Variants in UGT2B7 observed in about 807,000 individuals in gnomAD.
The protein encoded by UGT2B7 is UDP-glucuronosyltransferase 2B7.
UGT2B7 carries 51 observed loss-of-function variants against 51.9 expected under a neutral mutation model. That is an observed-to-expected ratio of 0.98 (90% CI 0.78 to 1.24). The LOEUF (loss-of-function observed/expected upper bound fraction) is 1.24. Among genes scored for constraint, UGT2B7 ranks in the 50% most tolerant of loss-of-function variants. The pLI, the probability that UGT2B7 is intolerant of heterozygous loss-of-function variation, is 0.00. For missense variants in UGT2B7, 727 were observed against 628.4 expected, an observed-to-expected ratio of 1.16 and a Z score of -1.68; for synonymous variants, 225 against 211.6, an observed-to-expected ratio of 1.06 and a Z score of -0.55.
At chr4:69,054,383 A>T (rs181826810) in intron 1 of UGT2B7, among the ~76,000 whole-genome samples, 200 of 152,322 alleles carry the variant, frequency 1.3e-3, no homozygotes, top group African/African-American at 4.5e-3. Flanking sequence ...AGATAAGCTA[A>T]CTCTTAGACA....
intron 1 of UGT2B7, among the ~76,000 whole-genome samples, chr4:69,080,302 C>T (rs1161881876): frequency 2.6e-5 from 4 of 152,066 alleles, no homozygotes; most frequent in Non-Finnish European, 5.9e-5. Flanking sequence ...AATCCCAGCA[C>T]TTTGGGATGA....
chr4:69,069,130 A>G (rs1211631429), intron 1 of UGT2B7, among the ~76,000 whole-genome samples: 2 of 151,286 alleles, frequency 1.3e-5, no homozygotes, highest in Non-Finnish European at 2.9e-5. Flanking sequence ...ACCGGTAGAT[A>G]TCAGGTTAGG....
upstream of UGT2B7, among the ~76,000 whole-genome samples, chr4:69,095,425 T>C (rs1719196668): frequency 6.6e-6 from 1 of 152,222 alleles, no homozygotes; most frequent in Non-Finnish European, 1.5e-5. Flanking sequence ...TCAGCTGACA[T>C]CAGTGAGATC....
At chr4:69,103,216 G>A (rs1719483708) in intron 3 of UGT2B7, among the ~76,000 whole-genome samples, 1 of 151,974 alleles carries the variant, frequency 6.6e-6, no homozygotes, top group African/African-American at 2.4e-5. Flanking sequence ...CTCACCTCCT[G>A]TCCATAAAAT....
At chr4:69,056,325 G>T (rs1003443885) in intron 1 of UGT2B7, among the ~76,000 whole-genome samples, 5 of 152,168 alleles carry the variant, frequency 3.3e-5, no homozygotes, top group Non-Finnish European at 7.3e-5. Context: ...AGCTGTTTTA[G>T]AAATTATTAC....
rs1462018959 is a variant in UGT2B7, at chr4:69,072,783, A to G, written c.-158-16689A>G. On this transcript the variant is annotated intron_variant, in intron 1 of 5. Transcript: ENST00000502942. ...TAGCTGGCAAAGGAGGAATATTTACAGGATCCTGATTCAGTATCATAAAGT... is the reference window on the plus strand; with the variant it reads ...TAGCTGGCAAAGGAGGAATATTTACGGGATCCTGATTCAGTATCATAAAGT... Among the ~76,000 whole-genome samples the G allele has an allele frequency of 3.9e-5, 6 of 152,166 alleles. No individual in the cohort carries two copies. The East Asian group carries it at 1.2e-3, about 29-fold the overall frequency.
chr4:69,059,173 C>A (rs186142920), intron 1 of UGT2B7, among the ~76,000 whole-genome samples: 1 of 152,162 alleles, frequency 6.6e-6, no homozygotes, highest in Admixed American at 6.5e-5. Flanking sequence ...AAGTTAGAGG[C>A]CAGCTAATGG....
At chr4:69,061,530 A>T (rs1474394518) in intron 1 of UGT2B7, among the ~76,000 whole-genome samples, 1 of 152,186 alleles carries the variant, frequency 6.6e-6, no homozygotes. Flanking sequence ...TCCAAATAAA[A>T]GGGCTTGATT....
intron 2 of UGT2B7, among the ~76,000 whole-genome samples, chr4:69,100,932 TATA>T (rs1719400315): frequency 6.6e-6 from 1 of 152,140 alleles, no homozygotes; most frequent in Non-Finnish European, 1.5e-5. Context: ...CTATCAGTTT[TATA>T]ATATGTTCAC....
In UGT2B7 at chr4:69,052,909, T is replaced by TA. The variant is rs1046994939; in HGVS notation, c.-159+1314dup. On this transcript the variant is annotated intron_variant, in intron 1 of 5. Coordinates refer to the UGT2B7 transcript ENST00000502942. Reference sequence around the variant, plus strand: ...TGGATTTTTACCTACATTAAAAGGTTAAAAAAATTATTGTTTTAAAAGTTT... The same window carrying TA: ...TGGATTTTTACCTACATTAAAAGGTTAAAAAAAATTATTGTTTTAAAAGTTT... Among the ~76,000 whole-genome samples, 3 of 152,112 alleles carry TA rather than the reference T, an allele frequency of 2.0e-5. No homozygotes were observed. The East Asian group carries it at 5.8e-4, about 29-fold the overall frequency.
intron 1 of UGT2B7, among the ~76,000 whole-genome samples, chr4:69,063,003 A>T (rs1320719488): frequency 6.6e-6 from 1 of 152,156 alleles, no homozygotes; most frequent in African/African-American, 2.4e-5. Flanking sequence ...GACCCGTATT[A>T]GGATGCCGTC....
At chr4:69,105,556 C>G (rs1400573777) in intron 3 of UGT2B7, among the ~76,000 whole-genome samples, 1 of 152,160 alleles carries the variant, frequency 6.6e-6, no homozygotes, top group Non-Finnish European at 1.5e-5. Context: ...CACGTTGTCT[C>G]AGTGTTAATA....
At chr4:69,064,072 GAAAGAAAGAAAGAAAGAA>G (rs1577908469) in intron 1 of UGT2B7, among the ~76,000 whole-genome samples, 5 of 104,754 alleles carry the variant, frequency 4.8e-5, no homozygotes, top group African/African-American at 9.8e-5. Flanking sequence ...AAGAAAGAAA[GAAAGAAAGAAAGAAAGAA>G]AGAAAGAGAA....
At chr4:69,111,948 A>G (rs1402334845) in intron 5 of UGT2B7, among the ~76,000 whole-genome samples, 1 of 152,224 alleles carries the variant, frequency 6.6e-6, no homozygotes, top group East Asian at 1.9e-4. Context: ...TGATATGGAC[A>G]GGCAAATTAA....
At chr4:69,088,573 T>G (rs1425070568) in intron 1 of UGT2B7, among the ~76,000 whole-genome samples, 1 of 152,150 alleles carries the variant, frequency 6.6e-6, no homozygotes, top group Non-Finnish European at 1.5e-5. Flanking sequence ...AAGCTCCGTA[T>G]GAGTATCTGG....
Position 69,112,490 on chromosome 4 carries a change from T to A in UGT2B7, c.1344T>A (p.Ile448=), listed in dbSNP as rs566811169. ...YKENVMKLSR[I]QHDQPVKPLD... The stretch of plus-strand genomic sequence containing the variant: ...AGAATGTTATGAAATTATCAAGAAT[T>A]CAACATGATCAACCAGTGAAGCCCC... The change falls in exon 6 of 6, where the codon ATT becomes ATA. Residue 448 remains isoleucine, a synonymous_variant. Transcript: ENST00000305231. 6.2e-7 allele frequency: 1 copy of A among 1,613,728 alleles called. No individual in the cohort carries two copies. Among genetic ancestry groups the A allele is most frequent in the South Asian group, 1.1e-5 (1 of 91,004 alleles).
At chr4:69,087,629 G>A (rs1470150630) in intron 1 of UGT2B7, among the ~76,000 whole-genome samples, 1 of 151,886 alleles carries the variant, frequency 6.6e-6, no homozygotes, top group East Asian at 1.9e-4. Flanking sequence ...TTGGTCTGAT[G>A]TTTATGAATG....
rs767214326 is a variant in UGT2B7, at chr4:69,108,240, G to A, written c.1228G>A (p.Gly410Arg). The A allele has an allele frequency of 6.2e-7, 1 of 1,613,690 alleles. No homozygotes were observed. The highest frequency in any genetic ancestry group is 8.5e-7 in the Non-Finnish European group (1 of 1,179,702). ...TAACATTGCTCACATGAAGGCCAGG[G>A]GAGCAGCTGTTAGAGTGGACTTCAA... is the stretch of plus-strand genomic sequence containing the variant. Reference protein sequence around the residue: ...PDNIAHMKARGAAVRVDFNTM... With the variant: ...PDNIAHMKARRAAVRVDFNTM... Residue 410 changes from glycine (G) to arginine (R), a missense_variant, in exon 5 of 6, where the codon GGA (glycine) becomes AGA (arginine). Physicochemically the swap from Gly to Arg is moderately radical, Grantham distance 125. Coordinates refer to ENST00000305231, the MANE Select transcript of UGT2B7 (RefSeq NM_001074.4).
At chr4:69,065,336 A>T (rs972422352) in intron 1 of UGT2B7, among the ~76,000 whole-genome samples, 1 of 152,146 alleles carries the variant, frequency 6.6e-6, no homozygotes, top group African/African-American at 2.4e-5. Context: ...TGATAGGAAG[A>T]TGTAATATAA....
Sources: allele counts gnomAD v4.1 joint callset (sites outside exome capture counted in the v4.1 genomes callset), GRCh38; gene constraint gnomAD v4.1.1; transcripts MANE v1.5; gene names NCBI Gene and HGNC (gene_info 2026-07-23, HGNC 2026-07-21).